Variants in TJP2 observed in about 807,000 individuals in gnomAD.
The protein encoded by TJP2 is Friedreich ataxia region gene X104 (tight junction protein ZO-2).
A neutral mutation model predicts 133.1 loss-of-function variants in TJP2; 91 were observed. That is an observed-to-expected ratio of 0.68 (90% confidence interval 0.58 to 0.81). The LOEUF is 0.81. Ranked by LOEUF, TJP2 falls within the 40% of genes least tolerant of loss-of-function variation. TJP2 has a pLI of 0.00. For synonymous variants in TJP2, 592 were observed against 583.4 expected (o/e 1.01, Z -0.21); for missense variants, 1,541 against 1,565.6 (o/e 0.98, Z 0.26).
rs138455866 is a variant in TJP2 at position 69,226,259 on chromosome 9, G to C, written c.1210+84G>C. The C allele has an allele frequency of 5.0e-4, 747 of 1,497,222 alleles. 14 individuals are homozygous for C. The East Asian group carries it at 0.014, about 29-fold the overall frequency. 92.7% of individuals were successfully genotyped at this position (1,497,222 alleles called of 1,614,324 possible). On this transcript the variant is annotated intron_variant, in intron 7 of 22. Coordinates refer to ENST00000377245, the MANE Select transcript of TJP2 (RefSeq NM_004817.4). Reference sequence around the variant, plus strand: ...TTCTTCTATTTAGTGTAGCTATCCAGCTGGAAGTTAAATTTCTAAGGAAAG... The same window carrying C: ...TTCTTCTATTTAGTGTAGCTATCCACCTGGAAGTTAAATTTCTAAGGAAAG...
chr9:69,196,648 A>G (rs1334567323), intron 1 of TJP2, among the ~76,000 whole-genome samples: 1 of 152,122 alleles, frequency 6.6e-6, no homozygotes. Context: ...ATACCATACA[A>G]TAAAAGTGTG....
At chr9:69,248,935 A>T (rs561901803) in intron 19 of TJP2, 250 of 990,148 alleles carry the variant, frequency 2.5e-4, no homozygotes, top group Admixed American at 7.9e-4. Context: ...AGCTCATTCC[A>T]GTAAATGATT....
chr9:69,130,172 T>G (rs1822432492), intron 1 of TJP2, among the ~76,000 whole-genome samples: 1 of 152,206 alleles, frequency 6.6e-6, no homozygotes, highest in African/African-American at 2.4e-5. Context: ...ATTTTCTTCA[T>G]TCTCTACAGT....
chr9:69,243,367 A>C (rs1830699791), intron 17 of TJP2, among the ~76,000 whole-genome samples: 1 of 152,220 alleles, frequency 6.6e-6, no homozygotes, highest in Non-Finnish European at 1.5e-5. Context: ...TAATTATGAC[A>C]ATATGAAAAT....
At chr9:69,223,252 T>C (rs1829047041) in intron 5 of TJP2, among the ~76,000 whole-genome samples, 1 of 152,038 alleles carries the variant, frequency 6.6e-6, no homozygotes, top group Non-Finnish European at 1.5e-5. Context: ...TTTTACGTAG[T>C]CCTCACAAGA....
At chr9:69,252,977 A>AGTGAG in intron 22 of TJP2, 77 bp downstream of exon 22, 1 of 1,413,682 alleles carries the variant, frequency 7.1e-7, no homozygotes, top group Non-Finnish European at 9.9e-7. Flanking sequence ...AATTTCCTTT[A>AGTGAG]CCCAAATTTC....
chr9:69,245,604 A>C (rs1830868043), intron 17 of TJP2, among the ~76,000 whole-genome samples: 2 of 152,184 alleles, frequency 1.3e-5, no homozygotes, highest in Admixed American at 6.5e-5. Flanking sequence ...CTCTGAAAGC[A>C]GTTTTCTGAG....
At chr9:69,235,037 A>C (rs1415935566) in intron 12 of TJP2, among the ~76,000 whole-genome samples, 1 of 152,198 alleles carries the variant, frequency 6.6e-6, no homozygotes, top group Non-Finnish European at 1.5e-5. Flanking sequence ...ATGATAGGAG[A>C]TATTGGAATC....
At chr9:69,165,363 C>G (rs1479772079) in intron 2 of TJP2, among the ~76,000 whole-genome samples, 2 of 152,086 alleles carry the variant, frequency 1.3e-5, no homozygotes, top group Non-Finnish European at 2.9e-5. Context: ...GTCTTGAACT[C>G]CTGGGCTCAT....
chr9:69,142,598 C>CA (rs5898060), intron 1 of TJP2, among the ~76,000 whole-genome samples: 57,998 of 151,990 alleles, frequency 0.38, 11,232 homozygotes, highest in African/African-American at 0.4. Context: ...CCCTATAAAA[C>CA]AGACTGTACA....
intron 9 of TJP2, 139 bp downstream of exon 9, chr9:69,228,253 G>T (rs1829499729): frequency 9.0e-7 from 1 of 1,110,722 alleles, no homozygotes; most frequent in African/African-American, 1.5e-5. Flanking sequence ...AATTAACATG[G>T]TAACAGAAAA....
rs1056139874 is a variant in TJP2, at chr9:69,221,614, C to T, written c.952+118C>T. ...TGTCATCCAGGCTGGAGGGAAGTGG[C>T]GTGATCTCGGCTCACTGCAACCTCC... On this transcript the variant is annotated intron_variant, in intron 5 of 22. Coordinates refer to ENST00000377245, the MANE Select transcript of TJP2 (RefSeq NM_004817.4). The T allele has an allele frequency of 7.1e-5, 97 of 1,374,198 alleles. 1 individual carries two copies. Among genetic ancestry groups the T allele is most frequent in the South Asian group, 5.1e-4 (40 of 79,044 alleles). The allele number at this position is 1,374,198 out of a possible 1,614,324, so 85.1% of individuals were successfully genotyped here. A position where few individuals can be genotyped will look rare whatever the true frequency, so the allele number is the denominator to read the frequency against.
rs182946189 is a variant in TJP2, at chr9:69,137,858, G to T, written c.-130-13793G>T. On this transcript the variant is annotated intron_variant, in intron 1 of 5. Coordinates refer to the TJP2 transcript ENST00000423935. Reference sequence around the variant, plus strand: ...TCTCAGCAGGCTCCATTTCTTTCTCGTGACAATGTGCAGTCATTTCATTTC... The same window carrying T: ...TCTCAGCAGGCTCCATTTCTTTCTCTTGACAATGTGCAGTCATTTCATTTC... Among the ~76,000 whole-genome samples the T allele has an allele frequency of 8.8e-4, 134 of 152,020 alleles. 1 individual carries two copies. Among genetic ancestry groups the T allele is most frequent in the African/African-American group, 3.0e-3 (124 of 41,450 alleles).
chr9:69,245,115 A>G (rs181427057), intron 17 of TJP2, among the ~76,000 whole-genome samples: 2 of 152,228 alleles, frequency 1.3e-5, no homozygotes, highest in African/African-American at 4.8e-5. Context: ...AGAGTACCAT[A>G]ATAGGAATAG....
intron 1 of TJP2, among the ~76,000 whole-genome samples, chr9:69,147,964 G>C (rs1823288706): frequency 6.7e-6 from 1 of 148,838 alleles, no homozygotes; most frequent in African/African-American, 2.5e-5. Context: ...AGCTCTTGCT[G>C]CCCAGGCTGG....
intron 16 of TJP2, among the ~76,000 whole-genome samples, chr9:69,239,316 A>AT (rs575410235): frequency 0.013 from 2,007 of 152,124 alleles, 22 homozygotes; most frequent in Middle Eastern, 0.031. Context: ...CATCTCAAAA[A>AT]AATATATATA....
intron 1 of TJP2, among the ~76,000 whole-genome samples, chr9:69,186,009 C>G (rs1825836626): frequency 6.6e-6 from 1 of 151,878 alleles, no homozygotes; most frequent in South Asian, 2.1e-4. Context: ...ACCTCATGAT[C>G]CGCCTGCCTT....
chr9:69,221,452 CG>C lies in TJP2; in HGVS notation c.912del (p.Ile306SerfsTer5). ...CCCAGCCCCGAGCCTAGGGGGCGGC[CG>C]GGGCCCATCGGGGTCCTCCTGATGA... is the stretch of plus-strand genomic sequence containing the variant. ...RSPSPEPRGRPGPIGVLLMKS... is the reference protein window; with the variant it reads ...RSPSPEPRGRXGPIGVLLMKS... On this transcript the variant is annotated frameshift_variant, in exon 5 of 23. Coordinates refer to ENST00000377245, the MANE Select transcript of TJP2 (RefSeq NM_004817.4). LOFTEE classifies it high-confidence loss of function. The C allele has an allele frequency of 6.3e-7, 1 of 1,595,654 alleles. No individual in the cohort carries two copies. Among genetic ancestry groups the C allele is most frequent in the Non-Finnish European group, 8.5e-7 (1 of 1,170,916 alleles).
chr9:69,226,627 T>C (rs1479089011), intron 7 of TJP2, among the ~76,000 whole-genome samples: 1 of 152,102 alleles, frequency 6.6e-6, no homozygotes, highest in Admixed American at 6.6e-5. Flanking sequence ...GCCTCCTGAG[T>C]AGCTGGGATT....
Sources: gnomAD v4.1 joint callset for allele counts (sites outside exome capture counted in the v4.1 genomes callset) on GRCh38, gnomAD v4.1.1 for gene constraint, MANE v1.5 for transcripts, NCBI Gene and HGNC (gene_info 2026-07-23, HGNC 2026-07-21) for gene names.